PALM2AKAP2: variants seen among roughly 807,000 people sequenced by gnomAD.
PALM2AKAP2 encodes the protein PALM2-AKAP2 fusion protein.
In PALM2AKAP2, 37 loss-of-function variants were observed where a neutral mutation model predicts 71.5. That is an observed-to-expected ratio of 0.52 (90% confidence interval 0.40 to 0.68). The LOEUF is 0.68. PALM2AKAP2 is among the 30% of genes least tolerant of loss of function. The probability of loss-of-function intolerance (pLI) is 0.00; values close to 1 mark genes in which losing one functional copy is unlikely to be tolerated. For synonymous variants in PALM2AKAP2, 468 were observed against 478.8 expected, an observed-to-expected ratio of 0.98 and a Z score of 0.29; for missense variants, 1,224 against 1,191.8, an observed-to-expected ratio of 1.03 and a Z score of -0.40.
At chr9:110,165,006 G>A (rs1217623865) in intron 3 of PALM2AKAP2, among the ~76,000 whole-genome samples, 1 of 151,986 alleles carries the variant, frequency 6.6e-6, no homozygotes, top group Non-Finnish European at 1.5e-5. Context: ...TTCAAATCTT[G>A]GTTTTGCCTT....
At chr9:109,954,986 A>ACCAACACCAC (rs1831720355) in intron 6 of PALM2AKAP2, among the ~76,000 whole-genome samples, 2 of 152,070 alleles carry the variant, frequency 1.3e-5, no homozygotes, top group African/African-American at 4.8e-5. Context: ...ATCACCACCA[A>ACCAACACCAC]CACCAACACC....
intron 1 of PALM2AKAP2, among the ~76,000 whole-genome samples, chr9:109,711,943 A>G (rs1460719449): frequency 6.6e-6 from 1 of 151,966 alleles, no homozygotes; most frequent in Non-Finnish European, 1.5e-5. Context: ...CAAATGAATG[A>G]TGACTTCCTG....
intron 1 of PALM2AKAP2, among the ~76,000 whole-genome samples, chr9:109,853,706 A>G (rs72753054): frequency 0.086 from 13,060 of 152,292 alleles, 749 homozygotes; most frequent in African/African-American, 0.16. Flanking sequence ...TTGCTATTCT[A>G]TATGACTGCC....
At chr9:109,671,566 T>C (rs749258584) in intron 1 of PALM2AKAP2, among the ~76,000 whole-genome samples, 2 of 151,798 alleles carry the variant, frequency 1.3e-5, no homozygotes, top group East Asian at 3.9e-4. Flanking sequence ...TTTTTGCTTA[T>C]GATTGCCTTG....
At chr9:109,847,782 T>C (rs1432591021) in intron 1 of PALM2AKAP2, 1 of 151,708 alleles carries the variant, frequency 6.6e-6, no homozygotes, top group Non-Finnish European at 1.5e-5. Context: ...AACCAGTTCG[T>C]GGTTATTTGT....
At chr9:110,085,878 G>A (rs542012405) in intron 1 of PALM2AKAP2, among the ~76,000 whole-genome samples, 24 of 152,190 alleles carry the variant, frequency 1.6e-4, no homozygotes, top group African/African-American at 5.3e-4. Context: ...AGGCCGAGGC[G>A]GGCGGATCAC....
intron 1 of PALM2AKAP2, among the ~76,000 whole-genome samples, chr9:110,076,492 C>CATATATATATATATATATACCTATAT (rs149836822): frequency 9.4e-6 from 1 of 106,760 alleles, no homozygotes; most frequent in South Asian, 2.7e-4. Context: ...ATATATTCTA[C>CATATATATATATATATATACCTATAT]ATATATATAT....
intron 1 of PALM2AKAP2, among the ~76,000 whole-genome samples, chr9:109,750,723 A>T (rs139611554): frequency 6.6e-6 from 1 of 152,104 alleles, no homozygotes; most frequent in Admixed American, 6.6e-5. Flanking sequence ...TCTAAAGGTC[A>T]TGATAGCTAC....
At chr9:110,098,231 G>T (rs1306918241) in intron 1 of PALM2AKAP2, among the ~76,000 whole-genome samples, 1 of 151,454 alleles carries the variant, frequency 6.6e-6, no homozygotes, top group African/African-American at 2.4e-5. Flanking sequence ...CAGCCAGACT[G>T]CCTGAGCTCA....
At chr9:109,725,024 A>G (rs1197368733) in intron 1 of PALM2AKAP2, among the ~76,000 whole-genome samples, 8 of 152,234 alleles carry the variant, frequency 5.3e-5, no homozygotes, top group Admixed American at 6.5e-5. Context: ...CATTATGAAC[A>G]AGACAATTTA....
At chr9:109,667,268 TC>T (rs1308648795) in intron 1 of PALM2AKAP2, among the ~76,000 whole-genome samples, 2 of 151,880 alleles carry the variant, frequency 1.3e-5, no homozygotes, top group East Asian at 3.9e-4. Context: ...AGAACAGCTA[TC>T]CCCTAAAGGA....
At chr9:109,998,693 G>GTAA (rs1490160718) in intron 6 of PALM2AKAP2, among the ~76,000 whole-genome samples, 1 of 150,946 alleles carries the variant, frequency 6.6e-6, no homozygotes, top group African/African-American at 2.4e-5. Context: ...CTTGAGCTCA[G>GTAA]GCATTCAAGG....
At chr9:110,153,144 A>G (rs1836365525) in intron 2 of PALM2AKAP2, among the ~76,000 whole-genome samples, 1 of 152,182 alleles carries the variant, frequency 6.6e-6, no homozygotes, top group South Asian at 2.1e-4. Flanking sequence ...AAGGGATGAA[A>G]TCATCAATAA....
In PALM2AKAP2 at chr9:110,025,294, T is replaced by C. The variant is rs1833156387; in HGVS notation, c.582+9255T>C. ...ATACGTGGCCAAAGGAACAACTCCA[T>C]GTTTTCTAAAAGGCCTAGAGAACAT... On this transcript the variant is annotated intron_variant, in intron 7 of 9. Coordinates refer to the PALM2AKAP2 transcript ENST00000302798. 5 of 1,197,496 alleles carry C rather than the reference T, an allele frequency of 4.2e-6. No homozygotes were observed. The African/African-American group carries it at 6.0e-5, about 14-fold the overall frequency. 74.2% of individuals were successfully genotyped at this position (1,197,496 alleles called of 1,614,324 possible). A position where few individuals can be genotyped will look rare whatever the true frequency, so the allele number is the denominator to read the frequency against.
At chr9:109,958,461 T>C (rs1315924904) in intron 6 of PALM2AKAP2, among the ~76,000 whole-genome samples, 1 of 152,182 alleles carries the variant, frequency 6.6e-6, no homozygotes, top group Non-Finnish European at 1.5e-5. Flanking sequence ...AAGTCATTTT[T>C]CCTCTCTTGG....
chr9:109,790,048 T>C (rs1380913380), intron 1 of PALM2AKAP2, among the ~76,000 whole-genome samples: 1 of 152,152 alleles, frequency 6.6e-6, no homozygotes, highest in Non-Finnish European at 1.5e-5. Flanking sequence ...AAGAAAAGAA[T>C]AGAGAATCTG....
intron 1 of PALM2AKAP2, among the ~76,000 whole-genome samples, chr9:109,840,765 A>C (rs1314426624): frequency 6.6e-6 from 1 of 152,262 alleles, no homozygotes; most frequent in African/African-American, 2.4e-5. Context: ...ACACATGAAA[A>C]AATGCTCATC....
intron 1 of PALM2AKAP2, among the ~76,000 whole-genome samples, chr9:110,112,295 T>C (rs1292429778): frequency 6.6e-6 from 1 of 152,094 alleles, no homozygotes; most frequent in African/African-American, 2.4e-5. Flanking sequence ...TGCTTCTTTA[T>C]AGTGGGCTTT....
intron 7 of PALM2AKAP2, among the ~76,000 whole-genome samples, chr9:110,028,737 T>C (rs924742155): frequency 2.6e-5 from 4 of 152,150 alleles, no homozygotes; most frequent in Non-Finnish European, 4.4e-5. Flanking sequence ...GATGTCCAGT[T>C]CGATTTGAAT....
Sources: gnomAD v4.1 joint callset for allele counts (sites outside exome capture counted in the v4.1 genomes callset) on GRCh38, gnomAD v4.1.1 for gene constraint, MANE v1.5 for transcripts, NCBI Gene and HGNC (gene_info 2026-07-23, HGNC 2026-07-21) for gene names.